The following DDAH1 variants were observed in gnomAD, a reference collection of about 807,000 sequenced individuals.
DDAH1 encodes the protein N(G),N(G)-dimethylarginine dimethylaminohydrolase 1.
A neutral mutation model predicts 28.8 loss-of-function variants in DDAH1; 19 were observed. The ratio of observed to expected loss-of-function variants is 0.66; its 90% CI spans 0.46 to 0.97. DDAH1 has a LOEUF of 0.97. DDAH1 is among the 50% of genes least tolerant of loss of function. The probability of loss-of-function intolerance (pLI) is 0.00; values close to 1 mark genes in which losing one functional copy is unlikely to be tolerated. For missense variants in DDAH1, 326 were observed against 375.9 expected (o/e 0.87, Z 1.10); for synonymous variants, 153 against 154.4 (o/e 0.99, Z 0.07).
At chr1:85,525,535 ATTAT>A (rs1479954782) in intron 1 of DDAH1, among the ~76,000 whole-genome samples, 25 of 149,634 alleles carry the variant, frequency 1.7e-4, no homozygotes, top group African/African-American at 5.9e-4. Flanking sequence ...AAGTTTTCTA[ATTAT>A]TGTATTGTAC....
At chr1:85,462,944 A>C (rs540196726) in intron 1 of DDAH1, among the ~76,000 whole-genome samples, 287 of 152,386 alleles carry the variant, frequency 1.9e-3, no homozygotes, top group Middle Eastern at 6.8e-3. Context: ...AATAGTCAAC[A>C]TTCATCAAAT....
chr1:85,320,465 G>A lies in DDAH1; in HGVS notation c.*987C>T, dbSNP rs1440617885. On this transcript the variant is annotated 3_prime_UTR_variant, in exon 6 of 6. Transcript: ENST00000284031. ...CTGGACTAGGATAACTGCAGGGGTAGAAGACTGGAAATACGGTGAGTCAGG... is the reference window on the plus strand; with the variant it reads ...CTGGACTAGGATAACTGCAGGGGTAAAAGACTGGAAATACGGTGAGTCAGG... The A allele has an allele frequency of 6.6e-6, 1 of 151,570 alleles. No homozygotes were observed. Among genetic ancestry groups the A allele is most frequent in the Non-Finnish European group, 1.5e-5 (1 of 67,932 alleles). The allele number at this position is 151,570 out of a possible 1,614,324, so 9.4% of individuals were successfully genotyped here.
intron 1 of DDAH1, among the ~76,000 whole-genome samples, chr1:85,520,372 A>G (rs1242232004): frequency 6.6e-6 from 1 of 152,206 alleles, no homozygotes; most frequent in Non-Finnish European, 1.5e-5. Flanking sequence ...AAAGTTCTAA[A>G]CTTTTAAAGG....
chr1:85,352,104 T>C (rs559143406), intron 2 of DDAH1, among the ~76,000 whole-genome samples: 4 of 152,320 alleles, frequency 2.6e-5, no homozygotes, highest in African/African-American at 9.6e-5. Flanking sequence ...ATCATTTTGC[T>C]CAACTTTGAT....
chr1:85,395,566 G>A (rs1651770933), intron 1 of DDAH1, among the ~76,000 whole-genome samples: 1 of 152,028 alleles, frequency 6.6e-6, no homozygotes, highest in African/African-American at 2.4e-5. Context: ...CAGCTACTTG[G>A]AAGGCTGAAG....
rs534845867 is a variant in DDAH1 at position 85,356,166 on chromosome 1, C to T, written c.403+2582G>A. Among the ~76,000 whole-genome samples, 27 of 152,252 alleles carry T rather than the reference C, an allele frequency of 1.8e-4. No homozygotes were observed. The East Asian group carries it at 4.2e-3, about 24-fold the overall frequency. ...TTTTATTATTGATCTTTAAACTGTA[C>T]ATAAACATTTTATAACTCTTTTTTA... On this transcript the variant is annotated intron_variant, in intron 2 of 5. Coordinates refer to ENST00000284031, the MANE Select transcript of DDAH1 (RefSeq NM_012137.4).
intron 1 of DDAH1, among the ~76,000 whole-genome samples, chr1:85,414,877 T>C (rs150675028): frequency 1.7e-4 from 26 of 152,144 alleles, no homozygotes; most frequent in Admixed American, 3.9e-4. Context: ...CCCAAGCTCA[T>C]TGGTAATCAG....
At chr1:85,331,875 A>G (rs1647790224) in intron 4 of DDAH1, among the ~76,000 whole-genome samples, 1 of 152,214 alleles carries the variant, frequency 6.6e-6, no homozygotes, top group African/African-American at 2.4e-5. Context: ...CAGAGAAGTG[A>G]CAGAAAACAC....
chr1:85,564,171 AAAAACAAAAC>A (rs141857011), intron 1 of DDAH1, among the ~76,000 whole-genome samples: 77 of 150,968 alleles, frequency 5.1e-4, no homozygotes, highest in Non-Finnish European at 7.7e-4. Context: ...ACTCCATCTC[AAAAACAAAAC>A]AAAACAAAAC....
At chr1:85,438,310 C>G (rs895701960) in intron 1 of DDAH1, among the ~76,000 whole-genome samples, 1 of 152,096 alleles carries the variant, frequency 6.6e-6, no homozygotes, top group Non-Finnish European at 1.5e-5. Flanking sequence ...TGAACATGGA[C>G]CCCCTGAACC....
intron 1 of DDAH1, among the ~76,000 whole-genome samples, chr1:85,418,357 C>T (rs1298506064): frequency 2.0e-5 from 3 of 152,054 alleles, no homozygotes; most frequent in Admixed American, 6.6e-5. Context: ...CAATAAAACT[C>T]GGTAAAACAA....
intron 1 of DDAH1, among the ~76,000 whole-genome samples, chr1:85,432,567 C>A (rs1653741022): frequency 6.6e-6 from 1 of 152,000 alleles, no homozygotes; most frequent in African/African-American, 2.4e-5. Flanking sequence ...GAAAGAACAC[C>A]ACATCCCTTA....
In DDAH1 at chr1:85,321,290, T is replaced by TG. The variant is rs939382749; in HGVS notation, c.*161dup. On this transcript the variant is annotated 3_prime_UTR_variant, in exon 6 of 6. Transcript: ENST00000284031. ...GGTACCACCTCGAGGGGAGGGAGGG[T>TG]GGGGGTGTTGAATGAAGCAATTCAA... 17 of 552,462 alleles carry TG rather than the reference T, an allele frequency of 3.1e-5. No individual in the cohort carries two copies. In the African/African-American group the frequency reaches 3.1e-4, roughly 10 times the overall value. The allele number at this position is 552,462 out of a possible 1,614,324, so 34.2% of individuals were successfully genotyped here.
intron 2 of DDAH1, among the ~76,000 whole-genome samples, chr1:85,473,475 A>G (rs1420347570): frequency 1.3e-5 from 2 of 152,076 alleles, no homozygotes; most frequent in African/African-American, 2.4e-5. Context: ...TTATATATGT[A>G]TATGTATGTG....
intron 1 of DDAH1, among the ~76,000 whole-genome samples, chr1:85,394,923 T>C (rs1651736210): frequency 6.6e-6 from 1 of 152,204 alleles, no homozygotes; most frequent in African/African-American, 2.4e-5. Flanking sequence ...TACTTTGTCA[T>C]CTTGTGTTGT....
intron 1 of DDAH1, among the ~76,000 whole-genome samples, chr1:85,414,887 G>A (rs1256422004): frequency 6.6e-6 from 1 of 151,382 alleles, no homozygotes; most frequent in East Asian, 1.9e-4. Context: ...TTGGTAATCA[G>A]GGAAAGAAAA....
At chr1:85,460,419 C>T (rs549226792) in intron 1 of DDAH1, among the ~76,000 whole-genome samples, 1 of 152,170 alleles carries the variant, frequency 6.6e-6, no homozygotes, top group Non-Finnish European at 1.5e-5. Flanking sequence ...GAGGCCCCTA[C>T]AAATGCAAAA....
At chr1:85,479,159 C>CTTTTTTTT (rs35629726) in intron 2 of DDAH1, among the ~76,000 whole-genome samples, 885 of 78,672 alleles carry the variant, frequency 0.011, no homozygotes, top group East Asian at 0.014. Context: ...TTCTGTTTTT[C>CTTTTTTTT]TTTTTTTTTT....
At chr1:85,365,560 T>C (rs924715861) in intron 1 of DDAH1, among the ~76,000 whole-genome samples, 1 of 152,162 alleles carries the variant, frequency 6.6e-6, no homozygotes, top group African/African-American at 2.4e-5. Flanking sequence ...AATCTTTAGG[T>C]AGTCAACAGT....
Sources: allele counts gnomAD v4.1 joint callset (sites outside exome capture counted in the v4.1 genomes callset), GRCh38; gene constraint gnomAD v4.1.1; transcripts MANE v1.5; gene names NCBI Gene and HGNC (gene_info 2026-07-23, HGNC 2026-07-21).